Variants in KRIT1 observed in about 807,000 individuals in gnomAD.
The protein encoded by KRIT1 is krev interaction trapped protein 1.
KRIT1 carries 45 observed loss-of-function variants against 95.8 expected under a neutral mutation model. That is an observed-to-expected ratio of 0.47 (90% CI 0.37 to 0.60). The LOEUF is 0.60. Ranked by LOEUF, KRIT1 falls within the 20% of genes least tolerant of loss-of-function variation. KRIT1 has a pLI of 0.00. For synonymous variants in KRIT1, 282 were observed against 278.8 expected (o/e 1.01, Z -0.11); for missense variants, 788 against 877.5 (o/e 0.90, Z 1.29).
At chr7:92,211,477 G>A (rs1792814893) in intron 17 of KRIT1, among the ~76,000 whole-genome samples, 1 of 152,186 alleles carries the variant, frequency 6.6e-6, no homozygotes, top group South Asian at 2.1e-4. Flanking sequence ...CAAGGAGGTA[G>A]AGAGTTGAAT....
At chr7:92,244,680 T>G (rs1303898365) in intron 2 of KRIT1, among the ~76,000 whole-genome samples, 1 of 152,150 alleles carries the variant, frequency 6.6e-6, no homozygotes, top group Non-Finnish European at 1.5e-5. Context: ...AATGAGTAGC[T>G]TGAACTAAAA....
chr7:92,221,421 A>G, intron 14 of KRIT1, among the ~76,000 whole-genome samples: 1 of 152,142 alleles, frequency 6.6e-6, no homozygotes, highest in Non-Finnish European at 1.5e-5. Context: ...GACACAGAGC[A>G]AGACTCAGTC....
intron 10 of KRIT1, among the ~76,000 whole-genome samples, chr7:92,232,510 A>AG (rs1274400363): frequency 4.8e-5 from 7 of 147,134 alleles, no homozygotes; most frequent in African/African-American, 1.0e-4. Flanking sequence ...CTTTCATTAG[A>AG]GGGGGAAAAA....
At chr7:92,208,488 G>A (rs1371729359) in intron 17 of KRIT1, among the ~76,000 whole-genome samples, 6 of 151,846 alleles carry the variant, frequency 4.0e-5, no homozygotes, top group Admixed American at 3.3e-4. Flanking sequence ...AAGAGAGAAA[G>A]AAAATCCAAA....
chr7:92,215,657 AG>A (rs1793812182), intron 14 of KRIT1, among the ~76,000 whole-genome samples: 1 of 152,106 alleles, frequency 6.6e-6, no homozygotes, highest in Non-Finnish European at 1.5e-5. Context: ...TTTTGAAGAC[AG>A]AAGGTCTTGC....
Position 92,200,656 on chromosome 7 carries a change from G to T in KRIT1, c.*80C>A. 2.0e-6 allele frequency: 2 copies of T among 980,408 alleles called. No homozygotes were observed. Among genetic ancestry groups the T allele is most frequent in the Non-Finnish European group, 3.3e-6 (2 of 611,314 alleles). 60.7% of individuals were successfully genotyped at this position (980,408 alleles called of 1,614,324 possible). ...GGTGAGCCACCATGCTCGGCCAAAA[G>T]TAATATTTTAAGAAATCTTTCACGG... is the stretch of plus-strand genomic sequence containing the variant. On this transcript the variant is annotated 3_prime_UTR_variant, in exon 19 of 19. Transcript: ENST00000394505.
In KRIT1 at chr7:92,242,111, C is replaced by A; in HGVS notation, c.25G>T (p.Asp9Tyr). 2 of 1,598,664 alleles carry A rather than the reference C, an allele frequency of 1.3e-6. No individual in the cohort carries two copies. The highest frequency in any genetic ancestry group is 1.7e-6 in the Non-Finnish European group (2 of 1,166,304). The change falls in exon 4 of 19, where the codon GAT becomes TAT. Residue 9 changes from aspartate to tyrosine, a missense_variant. Transcript: ENST00000394505. ...GGACGAATAACAGCAACATATGCATCTTCTATGTTTTCTGGATTTCCCATT... is the reference window on the plus strand; with the variant it reads ...GGACGAATAACAGCAACATATGCATATTCTATGTTTTCTGGATTTCCCATT... MGNPENIE[D>Y]AYVAVIRPKN...
In KRIT1 at chr7:92,222,840, T is replaced by C; in HGVS notation, c.1393A>G (p.Ile465Val). ...TTCTTACTGAGGTTTTCTGAACAAA[T>C]CCATATAGTGAAATATTGCTGAGTT... The part of the protein sequence containing the change: ...QETQQYFTIW[I>V]CSENLSLQLK... Residue 465 changes from isoleucine to valine, a missense_variant, in exon 13 of 19, where the codon ATT becomes GTT. Physicochemically the swap from Ile to Val is conservative, Grantham distance 29 (BLOSUM62 3). Coordinates refer to ENST00000394505, the MANE Select transcript of KRIT1 (RefSeq NM_194454.3). The C allele has an allele frequency of 1.2e-6, 2 of 1,606,162 alleles. No individual in the cohort carries two copies. The highest frequency in any genetic ancestry group is 1.7e-6 in the Non-Finnish European group (2 of 1,172,986).
intron 14 of KRIT1, among the ~76,000 whole-genome samples, chr7:92,219,689 C>T (rs1054966704): frequency 4.6e-5 from 7 of 152,180 alleles, no homozygotes; most frequent in Non-Finnish European, 2.9e-5. Context: ...TATTGGAATA[C>T]TGTTAGGGAC....
chr7:92,221,801 G>A (rs1795205999), intron 14 of KRIT1, 101 bp downstream of exon 14: 6 of 937,686 alleles, frequency 6.4e-6, no homozygotes, highest in Admixed American at 2.0e-5. Flanking sequence ...TGTAAGGATC[G>A]ATTTAAGGAT....
chr7:92,241,202 C>A, intron 4 of KRIT1, 50 bp from the exon 5 acceptor site: 1 of 1,307,476 alleles, frequency 7.6e-7, no homozygotes, highest in Admixed American at 1.8e-5. Flanking sequence ...GTCTACTTGC[C>A]CTAGAATACT....
chr7:92,213,864 GTCTTT>G (rs1347967217), intron 16 of KRIT1, 23 bp downstream of exon 16: 34 of 1,315,454 alleles, frequency 2.6e-5, no homozygotes, highest in Non-Finnish European at 3.7e-5. Context: ...CCTATAAAAT[GTCTTT>G]TCATTTCTAT....
At chr7:92,231,641 G>GTACAAT (rs1797312358) in intron 10 of KRIT1, among the ~76,000 whole-genome samples, 1 of 152,158 alleles carries the variant, frequency 6.6e-6, no homozygotes, top group South Asian at 2.1e-4. Context: ...GTACCAATTA[G>GTACAAT]TGAATAAGAG....
At position 92,200,357 on chromosome 7, in the gene KRIT1, A is replaced by AT. The variant is rs34910226; in HGVS notation, c.*378dup. 72,136 of 219,426 alleles carry AT rather than the reference A, an allele frequency of 0.33. 10,305 individuals are homozygous for AT. Among genetic ancestry groups the AT allele is most frequent in the Non-Finnish European group, 0.34 (37,703 of 110,484 alleles). 13.6% of individuals were successfully genotyped at this position (219,426 alleles called of 1,614,324 possible). On this transcript the variant is annotated 3_prime_UTR_variant, in exon 19 of 19. Transcript: ENST00000394505. The stretch of plus-strand genomic sequence containing the variant: ...GAGACTATATGCCTTGTTGAAAGTA[A>AT]TTTTTTTTTTTTTTTGAGATGGAGT...
chr7:92,214,876 A>C, intron 14 of KRIT1, 99 bp from the exon 15 acceptor site: 1 of 822,800 alleles, frequency 1.2e-6, no homozygotes, highest in South Asian at 1.5e-5. Flanking sequence ...TTTGTATATA[A>C]ATGAGCTGTT....
At chr7:92,221,843 A>C (rs377009351) in intron 14 of KRIT1, 59 bp downstream of exon 14, 4 of 1,457,146 alleles carry the variant, frequency 2.7e-6, no homozygotes, top group Non-Finnish European at 2.9e-6. Flanking sequence ...AGTGCTTACA[A>C]TAGAAACTCA....
chr7:92,213,158 A>G (rs1272299219), intron 17 of KRIT1, 37 bp downstream of exon 17: 3 of 1,392,154 alleles, frequency 2.2e-6, no homozygotes, highest in East Asian at 2.3e-5. Flanking sequence ...TTTAACTATT[A>G]TATGACATGA....
chr7:92,222,410 C>G (rs191366644), intron 13 of KRIT1, among the ~76,000 whole-genome samples: 1 of 152,042 alleles, frequency 6.6e-6, no homozygotes, highest in East Asian at 1.9e-4. Flanking sequence ...ATGTGTAATA[C>G]TTTGAAGAAC....
intron 10 of KRIT1, 68 bp downstream of exon 10, chr7:92,234,381 A>T: frequency 8.3e-7 from 1 of 1,211,982 alleles, no homozygotes; most frequent in East Asian, 2.5e-5. Flanking sequence ...AGTCTTGAAA[A>T]GAAGGACTAA....
Sources: gnomAD v4.1 joint callset for allele counts (sites outside exome capture counted in the v4.1 genomes callset) on GRCh38, gnomAD v4.1.1 for gene constraint, MANE v1.5 for transcripts, NCBI Gene and HGNC (gene_info 2026-07-23, HGNC 2026-07-21) for gene names.